PDE4D: variants seen among roughly 807,000 people sequenced by gnomAD.
PDE4D encodes the protein phosphodiesterase 4D, also known as 3',5'-cyclic-AMP phosphodiesterase 4D.
In PDE4D, 24 loss-of-function variants were observed where a neutral mutation model predicts 87.4. That is an observed-to-expected ratio of 0.27 (90% confidence interval 0.20 to 0.39). PDE4D has a LOEUF of 0.39. PDE4D is among the 10% of genes least tolerant of loss of function. PDE4D has a pLI of 1.00. For missense variants in PDE4D, 714 were observed against 1,041.0 expected (o/e 0.69, Z 4.32); for synonymous variants, 384 against 383.2 (o/e 1.00, Z -0.02).
intron 2 of PDE4D, among the ~76,000 whole-genome samples, chr5:60,107,965 C>T (rs988921386): frequency 9.8e-5 from 15 of 152,298 alleles, no homozygotes; most frequent in African/African-American, 3.6e-4. Context: ...GGGATGCCTT[C>T]TCTCACCACT....
chr5:59,970,139 T>C (rs908180060), intron 3 of PDE4D, among the ~76,000 whole-genome samples: 1 of 151,864 alleles, frequency 6.6e-6, no homozygotes, highest in Non-Finnish European at 1.5e-5. Flanking sequence ...TAGACAAAGA[T>C]ATGTTCCAGT....
intron 1 of PDE4D, among the ~76,000 whole-genome samples, chr5:59,757,467 C>A (rs2150758230): frequency 6.6e-6 from 1 of 152,126 alleles, no homozygotes; most frequent in African/African-American, 2.4e-5. Flanking sequence ...TATCTCAAGT[C>A]AAAGAGACTA....
intron 6 of PDE4D, among the ~76,000 whole-genome samples, chr5:59,001,635 C>G (rs1750557846): frequency 6.6e-6 from 1 of 152,194 alleles, no homozygotes; most frequent in Admixed American, 6.5e-5. Flanking sequence ...CCTCAACTCC[C>G]AGGATCCTGA....
intron 1 of PDE4D, among the ~76,000 whole-genome samples, chr5:59,395,747 G>A (rs1789282309): frequency 2.3e-5 from 3 of 130,830 alleles, no homozygotes; most frequent in Non-Finnish European, 4.9e-5. Flanking sequence ...ACTTTGACGA[G>A]CTGAGAGAAG....
At chr5:59,744,277 T>G (rs1350176940) in intron 1 of PDE4D, among the ~76,000 whole-genome samples, 5 of 152,152 alleles carry the variant, frequency 3.3e-5, no homozygotes, top group Non-Finnish European at 7.4e-5. Context: ...CTGTACTGTA[T>G]GCAAGCAGTA....
chr5:60,514,986 G>T (rs1056940166), intron 1 of PDE4D, among the ~76,000 whole-genome samples: 3 of 152,232 alleles, frequency 2.0e-5, no homozygotes, highest in African/African-American at 7.2e-5. Flanking sequence ...TAGCAAGTTT[G>T]CTGGATAGAA....
chr5:60,437,822 C>T (rs1458060265), intron 1 of PDE4D, among the ~76,000 whole-genome samples: 3 of 152,050 alleles, frequency 2.0e-5, no homozygotes, highest in Non-Finnish European at 4.4e-5. Flanking sequence ...CTTATGTTTC[C>T]ATATCAATCC....
chr5:59,757,688 C>A (rs1045263247), intron 1 of PDE4D, among the ~76,000 whole-genome samples: 2 of 152,156 alleles, frequency 1.3e-5, no homozygotes, highest in African/African-American at 4.8e-5. Context: ...GCTGGCTCTT[C>A]CAGAGTCAAA....
intron 1 of PDE4D, among the ~76,000 whole-genome samples, chr5:60,262,791 T>C (rs114442592): frequency 0.022 from 3,290 of 152,154 alleles, 130 homozygotes; most frequent in African/African-American, 0.075. Flanking sequence ...GTTCCTCCCA[T>C]ATGACAGGGT....
intron 1 of PDE4D, among the ~76,000 whole-genome samples, chr5:59,416,912 C>A (rs1793698047): frequency 6.6e-6 from 1 of 152,040 alleles, no homozygotes; most frequent in African/African-American, 2.4e-5. Context: ...ATGTTCTGTA[C>A]ATATAGATGT....
At chr5:59,853,552 G>A (rs145609268) in intron 1 of PDE4D, among the ~76,000 whole-genome samples, 85 of 151,750 alleles carry the variant, frequency 5.6e-4, no homozygotes, top group Non-Finnish European at 7.4e-4. Flanking sequence ...TTATATTTTC[G>A]TCTAATTTAA....
intron 1 of PDE4D, among the ~76,000 whole-genome samples, chr5:60,221,486 A>G (rs1744493550): frequency 6.6e-6 from 1 of 151,914 alleles, no homozygotes; most frequent in South Asian, 2.1e-4. Flanking sequence ...TATGCCTTGT[A>G]TTTTTTATCA....
intron 1 of PDE4D, among the ~76,000 whole-genome samples, chr5:59,405,977 T>C (rs964569675): frequency 1.3e-5 from 2 of 152,216 alleles, no homozygotes; most frequent in African/African-American, 4.8e-5. Flanking sequence ...TTGGGAGTAT[T>C]GGCCTGTAGT....
At chr5:59,266,450 TC>T (rs141451631) in intron 1 of PDE4D, among the ~76,000 whole-genome samples, 8,984 of 152,020 alleles carry the variant, frequency 0.059, 317 homozygotes, top group Middle Eastern at 0.13. Flanking sequence ...CTCTGTGGTC[TC>T]TTTTATTTCA....
intron 1 of PDE4D, among the ~76,000 whole-genome samples, chr5:60,199,987 G>A (rs1354870533): frequency 6.6e-6 from 1 of 151,654 alleles, no homozygotes; most frequent in East Asian, 1.9e-4. Flanking sequence ...ATACTTCAAA[G>A]TGGAGGCAGG....
chr5:59,415,981 G>C (rs764549570), intron 1 of PDE4D, among the ~76,000 whole-genome samples: 12 of 152,150 alleles, frequency 7.9e-5, no homozygotes, highest in African/African-American at 4.8e-5. Context: ...TAGTTAATGG[G>C]ATAGGCTATT....
At chr5:59,341,894 T>G (rs988013859) in intron 1 of PDE4D, among the ~76,000 whole-genome samples, 8 of 152,222 alleles carry the variant, frequency 5.3e-5, no homozygotes, top group African/African-American at 1.9e-4. Flanking sequence ...GTGAGCTGAC[T>G]GTTTACTCTA....
chr5:59,252,330 C>T (rs1463110992), intron 1 of PDE4D, among the ~76,000 whole-genome samples: 1 of 152,108 alleles, frequency 6.6e-6, no homozygotes, highest in Non-Finnish European at 1.5e-5. Flanking sequence ...CAGCAGAGTG[C>T]TTAATGGCCA....
intron 2 of PDE4D, among the ~76,000 whole-genome samples, chr5:60,161,930 T>C (rs1188453086): frequency 6.6e-6 from 1 of 152,084 alleles, no homozygotes. Flanking sequence ...ACATACATCT[T>C]TAGTGGCAGA....
Sources: gnomAD v4.1 joint callset for allele counts (sites outside exome capture counted in the v4.1 genomes callset) on GRCh38, gnomAD v4.1.1 for gene constraint, MANE v1.5 for transcripts, NCBI Gene and HGNC (gene_info 2026-07-23, HGNC 2026-07-21) for gene names.